The following NSMAF variants were observed in gnomAD, a reference collection of about 807,000 sequenced individuals.
The protein encoded by NSMAF is neutral sphingomyelinase activation associated factor.
A neutral mutation model predicts 134.9 loss-of-function variants in NSMAF; 90 were observed. The ratio of observed to expected loss-of-function variants is 0.67; its 90% CI spans 0.56 to 0.79. The LOEUF (loss-of-function observed/expected upper bound fraction) is 0.79, where lower values mean the gene tolerates loss of function less well. Among genes scored for constraint, NSMAF ranks in the 30% least tolerant of loss-of-function variants. The pLI is 0.00. For synonymous variants in NSMAF, 358 were observed against 389.6 expected (o/e 0.92, Z 0.96); for missense variants, 1,010 against 1,119.0 (o/e 0.90, Z 1.39).
In NSMAF at chr8:58,599,232, C is replaced by A; in HGVS notation, c.1585G>T (p.Val529Leu). ...TAAAATTTCAATGAATATTACATAC[C>A]ATTATGGGCCCCAACTGCATCACTC... ...KGSDAVGAHN[V>L]FHPLTYEGGV... Residue 529 changes from valine to leucine, a missense_variant and splice_region_variant, in exon 19 of 31, where the codon GTA becomes TTA. Physicochemically the swap from Val to Leu is conservative, Grantham distance 32. Coordinates refer to ENST00000038176, the MANE Select transcript of NSMAF (RefSeq NM_003580.4). 6.2e-7 allele frequency: 1 copy of A among 1,611,834 alleles called. No individual in the cohort carries two copies. Among genetic ancestry groups the A allele is most frequent in the South Asian group, 1.1e-5 (1 of 90,754 alleles).
Position 58,653,785 on chromosome 8 carries a change from A to C in NSMAF, c.59+5788T>G, listed in dbSNP as rs1807640049. Among the ~76,000 whole-genome samples, 3 of 152,216 alleles carry C rather than the reference A, an allele frequency of 2.0e-5. No individual in the cohort carries two copies. In the South Asian group the frequency reaches 6.2e-4, roughly 32 times the overall value. On this transcript the variant is annotated intron_variant, in intron 1 of 30. Transcript: ENST00000038176. The stretch of plus-strand genomic sequence containing the variant: ...AAGAAAAATAGCACTGAATTCCTTA[A>C]ATGACCATTCCTATTTTATATCACA...
chr8:58,597,873 C>T lies in NSMAF; in HGVS notation c.1615G>A (p.Val539Ile). The T allele has an allele frequency of 6.2e-7, 1 of 1,604,730 alleles. No individual in the cohort carries two copies. The highest frequency in any genetic ancestry group is 8.5e-7 in the Non-Finnish European group (1 of 1,171,646). ...ACATATAAGTACCTGTTCAAGTCTA[C>T]ACCTCCTTCATAGGTCAGGGGATGA... is the stretch of plus-strand genomic sequence containing the variant. The part of the protein sequence containing the change: ...VFHPLTYEGG[V>I]DLNSIQDPDE... The change falls in exon 20 of 31, where the codon GTA becomes ATA. Residue 539 changes from valine (V) to isoleucine (I), a missense_variant. Val to Ile is a conservative substitution (Grantham distance 29). Coordinates refer to ENST00000038176, the MANE Select transcript of NSMAF (RefSeq NM_003580.4).
At chr8:58,614,478 G>A (rs1161642257) in intron 9 of NSMAF, among the ~76,000 whole-genome samples, 1 of 152,210 alleles carries the variant, frequency 6.6e-6, no homozygotes, top group African/African-American at 2.4e-5. Flanking sequence ...TATAGGATAA[G>A]CCTGTGCCTA....
chr8:58,600,085 T>C (rs145717567), intron 16 of NSMAF, 64 bp from the exon 17 acceptor site: 11 of 1,196,258 alleles, frequency 9.2e-6, no homozygotes, highest in Non-Finnish European at 9.9e-6. Context: ...GCATTTCCTA[T>C]GCACTTGGGG....
At chr8:58,620,852 G>T (rs1011909307) in intron 9 of NSMAF, among the ~76,000 whole-genome samples, 1 of 152,178 alleles carries the variant, frequency 6.6e-6, no homozygotes, top group East Asian at 1.9e-4. Context: ...GTAAAATGGA[G>T]AGAATCCATT....
intron 30 of NSMAF, 65 bp downstream of exon 30, chr8:58,585,587 G>T: frequency 8.3e-7 from 1 of 1,203,512 alleles, no homozygotes; most frequent in Non-Finnish European, 1.2e-6. Flanking sequence ...TTCCCTGATG[G>T]AAAAGGCAGG....
intron 1 of NSMAF, among the ~76,000 whole-genome samples, chr8:58,645,051 G>T (rs1345386985): frequency 6.6e-6 from 1 of 151,118 alleles, no homozygotes; most frequent in Non-Finnish European, 1.5e-5. Flanking sequence ...ACCATGGCAC[G>T]TGTATACCTA....
At chr8:58,584,645 A>AT (rs1159871206) in intron 30 of NSMAF, among the ~76,000 whole-genome samples, 3 of 151,964 alleles carry the variant, frequency 2.0e-5, no homozygotes, top group South Asian at 2.1e-4. Context: ...AAAGAATTTC[A>AT]TTTTTTTTGA....
In NSMAF at chr8:58,631,526, A is replaced by G. The variant is rs1406116076; in HGVS notation, c.354T>C (p.His118=). Residue 118 remains histidine, a synonymous_variant, in exon 6 of 31, where the codon CAT becomes CAC. Transcript: ENST00000038176. ...IFSQVYFIKE[H]NVVAPYKIER... ...CTATTTTATATGGTGCAACAACATT[A>G]TGTTCTTTAATGAAATATACCTGAG... The G allele has an allele frequency of 2.0e-6, 3 of 1,504,910 alleles. No individual in the cohort carries two copies. Among genetic ancestry groups the G allele is most frequent in the South Asian group, 2.5e-5 (2 of 81,322 alleles). The allele number at this position is 1,504,910 out of a possible 1,614,324, so 93.2% of individuals were successfully genotyped here.
chr8:58,653,536 T>A (rs1214186289), intron 1 of NSMAF, among the ~76,000 whole-genome samples: 1 of 152,036 alleles, frequency 6.6e-6, no homozygotes, highest in Non-Finnish European at 1.5e-5. Flanking sequence ...GATATAGCTA[T>A]ATTAATATCA....
chr8:58,595,202 C>G (rs1806108450), intron 22 of NSMAF, among the ~76,000 whole-genome samples: 1 of 152,096 alleles, frequency 6.6e-6, no homozygotes. Flanking sequence ...ATGTGTAAAT[C>G]CAACACTCGT....
At position 58,583,972 on chromosome 8, in the gene NSMAF, GT is replaced by G; in HGVS notation, c.*133del. On this transcript the variant is annotated 3_prime_UTR_variant, in exon 31 of 31. Transcript: ENST00000038176. The stretch of plus-strand genomic sequence containing the variant: ...CAATGAAGTCACCATGATTTAGAAA[GT>G]TTAAAACCACAAATTTTCCATGTGG... 1 of 731,054 alleles carries G rather than the reference GT, an allele frequency of 1.4e-6. No homozygotes were observed. Among genetic ancestry groups the G allele is most frequent in the Admixed American group, 2.3e-5 (1 of 44,276 alleles). 45.3% of individuals were successfully genotyped at this position (731,054 alleles called of 1,614,324 possible). A position where few individuals can be genotyped will look rare whatever the true frequency, so the allele number is the denominator to read the frequency against.
At chr8:58,634,857 A>C (rs761747127) in intron 5 of NSMAF, among the ~76,000 whole-genome samples, 2 of 152,192 alleles carry the variant, frequency 1.3e-5, no homozygotes, top group Non-Finnish European at 2.9e-5. Flanking sequence ...CCCTGAGATC[A>C]TTTAAGTGGC....
chr8:58,599,328 A>G lies in NSMAF; in HGVS notation c.1489T>C (p.Leu497=). 6.2e-7 allele frequency: 1 copy of G among 1,614,082 alleles called. No individual in the cohort carries two copies. Among genetic ancestry groups the G allele is most frequent in the African/African-American group, 1.3e-5 (1 of 75,054 alleles). ...TGTTCAGACACATAATTGCTTTCCA[A>G]TGCATCTTTGCTCTTCTGGAGAAAG... ...EDFLQKSKDA[L]ESNYVSEHLH... is the part of the protein sequence containing the mutation. Residue 497 remains leucine, a synonymous_variant, in exon 19 of 31, where the codon TTG becomes CTG. Transcript: ENST00000038176.
At chr8:58,654,136 C>T (rs1214001344) in intron 1 of NSMAF, among the ~76,000 whole-genome samples, 1 of 152,192 alleles carries the variant, frequency 6.6e-6, no homozygotes, top group Admixed American at 6.5e-5. Flanking sequence ...CCACTGATCT[C>T]CAGTTTCAAC....
chr8:58,659,250 G>C, intron 1 of NSMAF: 1 of 1,504,960 alleles, frequency 6.6e-7, no homozygotes. Context: ...GACCCCGCGC[G>C]GCCTTCCGGG....
rs568692877 is a variant in NSMAF, at chr8:58,601,347, T to C, written c.1218A>G (p.Ala406=). 103 of 1,613,908 alleles carry C rather than the reference T, an allele frequency of 6.4e-5. No homozygotes were observed. The South Asian group carries it at 1.0e-3, about 16-fold the overall frequency. The change falls in exon 16 of 31, where the codon GCA becomes GCG. Residue 406 remains alanine, a splice_region_variant and synonymous_variant. Transcript: ENST00000038176. ...GYVLFYLVRI[A]PEYMLCLQNG... ...TCTGCAGGCACAGCATATACTCTGG[T>C]GCTAGAGGGGAAAAAGTCAGAGGTA...
chr8:58,653,273 C>G (rs554579071), intron 1 of NSMAF, among the ~76,000 whole-genome samples: 1 of 151,600 alleles, frequency 6.6e-6, no homozygotes, highest in Non-Finnish European at 1.5e-5. Flanking sequence ...TTATTTAATC[C>G]AAAGGAAGAA....
chr8:58,589,796 C>T, intron 25 of NSMAF: 3 of 626,282 alleles, frequency 4.8e-6, no homozygotes, highest in Middle Eastern at 3.9e-4. Flanking sequence ...CAATTTAAAA[C>T]TTAGAGAAAA....
Sources: gnomAD v4.1 joint callset for allele counts (sites outside exome capture counted in the v4.1 genomes callset) on GRCh38, gnomAD v4.1.1 for gene constraint, MANE v1.5 for transcripts, NCBI Gene and HGNC (gene_info 2026-07-23, HGNC 2026-07-21) for gene names.